Variants in STK32A observed in about 807,000 individuals in gnomAD.
STK32A encodes serine/threonine kinase 32A.
In STK32A, 41 loss-of-function variants were observed where a neutral mutation model predicts 53.2. The observed-to-expected ratio is 0.77, with a 90% CI of 0.60 to 1.00. The LOEUF (loss-of-function observed/expected upper bound fraction) is 1.00. STK32A is among the 50% of genes least tolerant of loss of function. The pLI, the probability that STK32A is intolerant of heterozygous loss-of-function variation, is 0.00. For missense variants in STK32A, 458 were observed against 485.8 expected (o/e 0.94, Z 0.54); for synonymous variants, 166 against 162.8 (o/e 1.02, Z -0.15).
intron 7 of STK32A, among the ~76,000 whole-genome samples, chr5:147,356,139 G>T (rs994232696): frequency 2.0e-5 from 3 of 151,852 alleles, no homozygotes; most frequent in South Asian, 2.1e-4. Flanking sequence ...GAGAGAAAGT[G>T]ATGTGTTCAT....
chr5:147,332,700 A>G (rs1258544349), intron 5 of STK32A, among the ~76,000 whole-genome samples: 1 of 152,202 alleles, frequency 6.6e-6, no homozygotes, highest in Non-Finnish European at 1.5e-5. Flanking sequence ...CTCTGGTAGC[A>G]GAAGGACCAC....
chr5:147,324,117 G>A (rs765976763), intron 5 of STK32A, 46 bp downstream of exon 5: 25 of 1,515,086 alleles, frequency 1.7e-5, no homozygotes, highest in Non-Finnish European at 4.4e-6. Context: ...CGCAAGGAGA[G>A]AATCCACAAC....
chr5:147,238,303 A>G (rs1228120854), intron 1 of STK32A, among the ~76,000 whole-genome samples: 6 of 152,194 alleles, frequency 3.9e-5, no homozygotes, highest in Non-Finnish European at 8.8e-5. Context: ...TGCCCAATGC[A>G]CTAATGTTAA....
At chr5:147,294,754 G>C (rs1476379145) in intron 4 of STK32A, among the ~76,000 whole-genome samples, 1 of 151,664 alleles carries the variant, frequency 6.6e-6, no homozygotes, top group East Asian at 1.9e-4. Flanking sequence ...TGCGATCTTG[G>C]CTCACTGCAA....
At chr5:147,378,926 T>C (rs1291341011) in intron 11 of STK32A, among the ~76,000 whole-genome samples, 2 of 130,786 alleles carry the variant, frequency 1.5e-5, no homozygotes, top group Non-Finnish European at 3.3e-5. Context: ...TGGTTCCATA[T>C]ACATTTGAAA....
chr5:147,339,332 T>C (rs1006662934), intron 5 of STK32A, among the ~76,000 whole-genome samples: 4 of 152,226 alleles, frequency 2.6e-5, no homozygotes, highest in East Asian at 1.9e-4. Flanking sequence ...AAGTCAAGAA[T>C]TGAGGTTTGG....
At chr5:147,368,536 ATG>A (rs1205417697) in intron 8 of STK32A, among the ~76,000 whole-genome samples, 1 of 152,148 alleles carries the variant, frequency 6.6e-6, no homozygotes, top group Admixed American at 6.6e-5. Context: ...TAGAAACCAT[ATG>A]TGTCTTGTTC....
At chr5:147,262,465 G>A (rs1212878439) in intron 2 of STK32A, among the ~76,000 whole-genome samples, 2 of 152,032 alleles carry the variant, frequency 1.3e-5, no homozygotes, top group Non-Finnish European at 2.9e-5. Flanking sequence ...AACAAAAATA[G>A]CCCCCATTTA....
intron 2 of STK32A, among the ~76,000 whole-genome samples, chr5:147,265,192 C>T (rs1754752893): frequency 6.7e-6 from 1 of 150,364 alleles, no homozygotes; most frequent in African/African-American, 2.4e-5. Context: ...AATTGAAGCT[C>T]AGAAAAGTCA....
At chr5:147,251,737 A>C (rs187700747) in intron 2 of STK32A, among the ~76,000 whole-genome samples, 28 of 152,020 alleles carry the variant, frequency 1.8e-4, no homozygotes, top group Admixed American at 8.5e-4. Context: ...ACTCACATGC[A>C]TATGCCTTAG....
intron 6 of STK32A, among the ~76,000 whole-genome samples, chr5:147,344,993 T>TACC (rs1755614391): frequency 6.6e-6 from 1 of 152,218 alleles, no homozygotes; most frequent in South Asian, 2.1e-4. Flanking sequence ...TCTTGGTGAC[T>TACC]TGGTCATTGC....
intron 4 of STK32A, among the ~76,000 whole-genome samples, chr5:147,289,645 A>T (rs1360323616): frequency 6.6e-6 from 1 of 151,924 alleles, no homozygotes; most frequent in Non-Finnish European, 1.5e-5. Flanking sequence ...TATGAATATC[A>T]CATATATATG....
intron 4 of STK32A, among the ~76,000 whole-genome samples, chr5:147,304,660 CAGAA>C (rs1753315340): frequency 6.6e-6 from 1 of 152,106 alleles, no homozygotes; most frequent in South Asian, 2.1e-4. Context: ...GGAAACTAGA[CAGAA>C]AGACAACAGT....
intron 2 of STK32A, among the ~76,000 whole-genome samples, chr5:147,267,273 A>G (rs945172003): frequency 2.6e-5 from 4 of 152,172 alleles, no homozygotes; most frequent in African/African-American, 9.7e-5. Context: ...GAGGGTAAAT[A>G]ATTAAAGTTC....
intron 4 of STK32A, among the ~76,000 whole-genome samples, chr5:147,284,693 AAACAAAAAAAC>A (rs1752239548): frequency 3.7e-5 from 2 of 54,066 alleles, no homozygotes; most frequent in South Asian, 7.1e-4. Flanking sequence ...AAACAAGACA[AAACAAAAAAAC>A]AACAAAAAAA....
At chr5:147,359,025 C>T (rs746694427) in intron 7 of STK32A, among the ~76,000 whole-genome samples, 1 of 152,192 alleles carries the variant, frequency 6.6e-6, no homozygotes, top group Non-Finnish European at 1.5e-5. Flanking sequence ...TTGCTTATAA[C>T]TGTTTGCTAA....
chr5:147,299,841 C>T (rs1280701597), intron 4 of STK32A, among the ~76,000 whole-genome samples: 1 of 152,160 alleles, frequency 6.6e-6, no homozygotes, highest in Non-Finnish European at 1.5e-5. Flanking sequence ...CTTTGTATCA[C>T]AAATTCCAGG....
At chr5:147,354,420 GT>G (rs1756126334) in intron 7 of STK32A, among the ~76,000 whole-genome samples, 1 of 152,102 alleles carries the variant, frequency 6.6e-6, no homozygotes, top group South Asian at 2.1e-4. Flanking sequence ...CTCCCCAGTG[GT>G]TTTAAGTACA....
At chr5:147,272,240 C>T (rs1394084649) in intron 2 of STK32A, among the ~76,000 whole-genome samples, 2 of 152,124 alleles carry the variant, frequency 1.3e-5, no homozygotes, top group Non-Finnish European at 2.9e-5. Context: ...CCACACCCGG[C>T]TAATTTTTGT....
Sources: gnomAD v4.1 joint callset for allele counts (sites outside exome capture counted in the v4.1 genomes callset) on GRCh38, gnomAD v4.1.1 for gene constraint, MANE v1.5 for transcripts, NCBI Gene and HGNC (gene_info 2026-07-23, HGNC 2026-07-21) for gene names.